SORCS1: variants seen among roughly 807,000 people sequenced by gnomAD.
The protein encoded by SORCS1 is VPS10 domain-containing receptor SorCS1.
A neutral mutation model predicts 146.1 loss-of-function variants in SORCS1; 60 were observed. That is an observed-to-expected ratio of 0.41 (90% CI 0.33 to 0.51). SORCS1 has a LOEUF of 0.51. Ranked by LOEUF, SORCS1 falls within the 20% of genes least tolerant of loss-of-function variation. The pLI is 0.21. For missense variants in SORCS1, 1,352 were observed against 1,487.6 expected, an observed-to-expected ratio of 0.91 and a Z score of 1.50; for synonymous variants, 637 against 584.0, an observed-to-expected ratio of 1.09 and a Z score of -1.31.
At chr10:107,017,757 G>C (rs1957959795) in intron 1 of SORCS1, among the ~76,000 whole-genome samples, 1 of 152,222 alleles carries the variant, frequency 6.6e-6, no homozygotes, top group African/African-American at 2.4e-5. Flanking sequence ...CCTGGTTCAA[G>C]CGATTCTCCT....
intron 2 of SORCS1, among the ~76,000 whole-genome samples, chr10:106,838,070 G>A (rs1220778407): frequency 6.6e-6 from 1 of 152,156 alleles, no homozygotes; most frequent in Non-Finnish European, 1.5e-5. Context: ...ATTTGCTTTT[G>A]ACTACTTGCT....
intron 6 of SORCS1, among the ~76,000 whole-genome samples, chr10:106,713,252 G>T (rs1056640539): frequency 2.0e-5 from 3 of 152,172 alleles, no homozygotes; most frequent in African/African-American, 7.2e-5. Context: ...CCCAACCTCT[G>T]TGCTTCTTGT....
chr10:106,784,095 T>A (rs1945922816), intron 3 of SORCS1, among the ~76,000 whole-genome samples: 1 of 151,994 alleles, frequency 6.6e-6, no homozygotes, highest in South Asian at 2.1e-4. Flanking sequence ...GGTCATCTGG[T>A]TTAAAAAACT....
intron 2 of SORCS1, among the ~76,000 whole-genome samples, chr10:106,936,553 G>C (rs1267826009): frequency 6.6e-6 from 1 of 152,182 alleles, no homozygotes; most frequent in Non-Finnish European, 1.5e-5. Flanking sequence ...TTCATCTGGA[G>C]CTTCAAATAT....
the SORCS1 span, among the ~76,000 whole-genome samples, chr10:107,173,451 C>G: frequency 1.2e-4 from 18 of 152,040 alleles, no homozygotes; most frequent in African/African-American, 4.3e-4. Flanking sequence ...ATTTGCTTGA[C>G]TTTAGTAAAG....
chr10:106,580,816 A>C (rs927030995), intron 24 of SORCS1, among the ~76,000 whole-genome samples: 3 of 152,230 alleles, frequency 2.0e-5, no homozygotes, highest in Admixed American at 6.5e-5. Flanking sequence ...ATTCCATCTA[A>C]CCACATAGTT....
At chr10:106,818,539 T>C (rs11193061) in intron 3 of SORCS1, among the ~76,000 whole-genome samples, 5,415 of 152,150 alleles carry the variant, frequency 0.036, 224 homozygotes, top group East Asian at 0.15. Context: ...CAAATTTTTG[T>C]ATTTTTAATA....
intron 24 of SORCS1, among the ~76,000 whole-genome samples, chr10:106,591,071 G>A (rs72821142): frequency 0.019 from 2,887 of 152,300 alleles, 36 homozygotes; most frequent in Middle Eastern, 0.048. Context: ...GGTTTGTTAA[G>A]GTGAGGAGTG....
chr10:107,102,266 T>C (rs1218503132), intron 1 of SORCS1, among the ~76,000 whole-genome samples: 1 of 152,188 alleles, frequency 6.6e-6, no homozygotes, highest in Non-Finnish European at 1.5e-5. Flanking sequence ...GGTTCTGATA[T>C]GAGAGGATTT....
At chr10:106,674,642 A>G (rs892374995) in intron 14 of SORCS1, among the ~76,000 whole-genome samples, 3 of 152,214 alleles carry the variant, frequency 2.0e-5, no homozygotes, top group African/African-American at 7.2e-5. Flanking sequence ...TGATTTTCCT[A>G]ATATGCCTCA....
At chr10:106,789,179 T>C (rs1223152985) in intron 3 of SORCS1, among the ~76,000 whole-genome samples, 3 of 152,166 alleles carry the variant, frequency 2.0e-5, no homozygotes, top group Non-Finnish European at 4.4e-5. Context: ...AGCAGTGCCC[T>C]GGGCCCGGCC....
rs1846759655 is a variant in SORCS1, at chr10:106,608,535, TG to T, written c.3034-1239del. Among the ~76,000 whole-genome samples, 3 of 152,228 alleles carry T rather than the reference TG, an allele frequency of 2.0e-5. No individual in the cohort carries two copies. The South Asian group carries it at 6.2e-4, about 31-fold the overall frequency. ...ACTTAGCACAATCCCAGGTACTTCC[TG>T]GGTGTATTGTGCTAAGTAACTTATA... On this transcript the variant is annotated intron_variant, in intron 22 of 25. Transcript: ENST00000263054.
At chr10:106,940,272 T>G (rs1352846858) in intron 2 of SORCS1, among the ~76,000 whole-genome samples, 1 of 152,238 alleles carries the variant, frequency 6.6e-6, no homozygotes, top group Admixed American at 6.5e-5. Flanking sequence ...GGACATGCTT[T>G]ATATGAATTA....
intron 23 of SORCS1, among the ~76,000 whole-genome samples, chr10:106,601,955 TCA>T (rs1450244666): frequency 6.6e-6 from 1 of 152,182 alleles, no homozygotes; most frequent in African/African-American, 2.4e-5. Flanking sequence ...AAATATTTAG[TCA>T]CACAGTGATG....
At chr10:106,918,354 G>C (rs1304466580) in intron 2 of SORCS1, among the ~76,000 whole-genome samples, 1 of 152,008 alleles carries the variant, frequency 6.6e-6, no homozygotes, top group Non-Finnish European at 1.5e-5. Flanking sequence ...TAGTAGAGAT[G>C]GTGTTTCACC....
intron 1 of SORCS1, among the ~76,000 whole-genome samples, chr10:107,109,749 T>C (rs911777257): frequency 1.3e-5 from 2 of 152,260 alleles, no homozygotes; most frequent in Admixed American, 1.3e-4. Flanking sequence ...TTATCCTTTC[T>C]GTGTCACGTG....
intron 18 of SORCS1, among the ~76,000 whole-genome samples, chr10:106,639,634 C>CTAGA (rs1848937052): frequency 6.6e-6 from 1 of 152,106 alleles, no homozygotes; most frequent in Non-Finnish European, 1.5e-5. Context: ...AATTACCTTA[C>CTAGA]TAGAGTCAAA....
intron 23 of SORCS1, among the ~76,000 whole-genome samples, chr10:106,606,358 G>A (rs1210846995): frequency 6.6e-6 from 1 of 151,570 alleles, no homozygotes; most frequent in Admixed American, 6.6e-5. Context: ...ATGAGGAGGA[G>A]GTGAACCCCA....
intron 6 of SORCS1, among the ~76,000 whole-genome samples, chr10:106,714,664 A>G (rs1431874868): frequency 6.6e-6 from 1 of 152,196 alleles, no homozygotes; most frequent in East Asian, 1.9e-4. Context: ...CACAGGAAAA[A>G]TAAATAAAAG....
Sources: gnomAD v4.1 joint callset for allele counts (sites outside exome capture counted in the v4.1 genomes callset) on GRCh38, gnomAD v4.1.1 for gene constraint, MANE v1.5 for transcripts, NCBI Gene and HGNC (gene_info 2026-07-23, HGNC 2026-07-21) for gene names.